Variants in GPHN observed in about 807,000 individuals in gnomAD.
GPHN encodes the protein gephyrin.
Under a neutral mutation model 95.5 loss-of-function variants are expected in GPHN, and 17 were observed. That is an observed-to-expected ratio of 0.18 (90% CI 0.12 to 0.27). The LOEUF (loss-of-function observed/expected upper bound fraction) is 0.27, where lower values mean the gene tolerates loss of function less well. Ranked by LOEUF, GPHN falls within the 10% of genes least tolerant of loss-of-function variation. The pLI, the probability that GPHN is intolerant of heterozygous loss-of-function variation, is 1.00. For missense variants in GPHN, 660 were observed against 978.1 expected, an observed-to-expected ratio of 0.67 and a Z score of 4.34; for synonymous variants, 320 against 322.5, an observed-to-expected ratio of 0.99 and a Z score of 0.08.
At chr14:66,673,048 C>T (rs66460571) in intron 1 of GPHN, among the ~76,000 whole-genome samples, 2,658 of 152,146 alleles carry the variant, frequency 0.017, 33 homozygotes, top group Non-Finnish European at 0.026. Context: ...ATTTGAATTT[C>T]TCTTTTGTCA....
chr14:66,968,927 G>A (rs567635214), intron 9 of GPHN: 175 of 147,738 alleles, frequency 1.2e-3, no homozygotes, highest in African/African-American at 4.3e-3. Flanking sequence ...TAGATATATT[G>A]CAGTATAACA....
At chr14:67,423,232 TG>T in the GPHN span, among the ~76,000 whole-genome samples, 2 of 152,122 alleles carry the variant, frequency 1.3e-5, no homozygotes, top group African/African-American at 2.4e-5. Flanking sequence ...AAAAAGGGGT[TG>T]GGGGAGGGCA....
the GPHN span, chr14:67,360,357 TGAG>T: frequency 1.3e-5 from 5 of 397,272 alleles, no homozygotes; most frequent in Admixed American, 1.8e-4. Flanking sequence ...AAGCGCACGC[TGAG>T]GAGGATCGGC....
At chr14:67,157,139 G>T (rs10713830) in intron 18 of GPHN, among the ~76,000 whole-genome samples, 27,068 of 151,690 alleles carry the variant, frequency 0.18, 2,752 homozygotes, top group Non-Finnish European at 0.24. Flanking sequence ...ATTTGAAAAA[G>T]TTACAATGAA....
intron 16 of GPHN, among the ~76,000 whole-genome samples, chr14:67,115,204 G>A (rs1474935438): frequency 6.6e-6 from 1 of 151,554 alleles, no homozygotes; most frequent in Non-Finnish European, 1.5e-5. Flanking sequence ...AGATAATTGG[G>A]TACCTCTGTG....
At chr14:66,808,926 G>T (rs76546968) in intron 3 of GPHN, among the ~76,000 whole-genome samples, 1,914 of 152,268 alleles carry the variant, frequency 0.013, 19 homozygotes, top group Non-Finnish European at 0.018. Context: ...TAAAGCAAAA[G>T]AAATATGAAC....
chr14:67,321,872 T>C, the GPHN span, among the ~76,000 whole-genome samples: 1 of 152,164 alleles, frequency 6.6e-6, no homozygotes, highest in Non-Finnish European at 1.5e-5. Flanking sequence ...AGTACTTTAA[T>C]TTGAGTCTAT....
chr14:67,134,936 CTCTT>C (rs2079962255), intron 17 of GPHN, among the ~76,000 whole-genome samples: 6 of 59,666 alleles, frequency 1.0e-4, no homozygotes, highest in African/African-American at 1.9e-4. Flanking sequence ...CTCTTTTTTT[CTCTT>C]TCTTTCTTTC....
At chr14:66,675,940 T>G (rs974843203) in intron 1 of GPHN, among the ~76,000 whole-genome samples, 27 of 152,176 alleles carry the variant, frequency 1.8e-4, no homozygotes, top group Admixed American at 7.2e-4. Flanking sequence ...AAAACATCAC[T>G]GATTCTTGCA....
chr14:66,693,461 T>C (rs2067915383), intron 2 of GPHN, among the ~76,000 whole-genome samples: 1 of 152,192 alleles, frequency 6.6e-6, no homozygotes, highest in Non-Finnish European at 1.5e-5. Context: ...CATACATATA[T>C]ACATACGGGA....
chr14:67,276,654 T>C, the GPHN span, among the ~76,000 whole-genome samples: 12 of 152,330 alleles, frequency 7.9e-5, no homozygotes, highest in South Asian at 2.3e-3. Flanking sequence ...TAATCATTTA[T>C]TTTCTTTGCT....
chr14:66,668,499 G>C (rs2066100962), intron 1 of GPHN, among the ~76,000 whole-genome samples: 2 of 152,188 alleles, frequency 1.3e-5, no homozygotes, highest in African/African-American at 4.8e-5. Context: ...GATGGAGCTG[G>C]AAGTCATTAT....
intron 5 of GPHN, among the ~76,000 whole-genome samples, chr14:66,905,509 A>G (rs1303873105): frequency 1.3e-5 from 2 of 151,990 alleles, no homozygotes; most frequent in East Asian, 1.9e-4. Context: ...ATGTCTTTGC[A>G]TTGGAGGATT....
intron 9 of GPHN, among the ~76,000 whole-genome samples, chr14:66,965,540 C>T (rs1288638050): frequency 1.3e-5 from 2 of 152,166 alleles, no homozygotes; most frequent in Non-Finnish European, 2.9e-5. Flanking sequence ...TGTCTTACTC[C>T]TACATCATAG....
chr14:66,711,482 A>G (rs187412847), intron 2 of GPHN, among the ~76,000 whole-genome samples: 77 of 151,926 alleles, frequency 5.1e-4, no homozygotes, highest in African/African-American at 1.7e-3. Flanking sequence ...GCAGTTGTGA[A>G]TTGTGCTGCC....
chr14:67,375,843 A>T, the GPHN span, among the ~76,000 whole-genome samples: 30 of 152,068 alleles, frequency 2.0e-4, no homozygotes, highest in Non-Finnish European at 3.4e-4. Flanking sequence ...AAAATTTCAT[A>T]TTTTTTTGTC....
the GPHN span, among the ~76,000 whole-genome samples, chr14:67,298,855 A>G: frequency 6.6e-6 from 1 of 152,158 alleles, no homozygotes. Flanking sequence ...GGCCCTATGA[A>G]TATCCACTGA....
intron 5 of GPHN, among the ~76,000 whole-genome samples, chr14:66,908,228 A>G (rs957888166): frequency 2.0e-5 from 3 of 151,978 alleles, no homozygotes; most frequent in African/African-American, 4.8e-5. Flanking sequence ...AATATACAAG[A>G]TGAACCTGGT....
chr14:66,731,766 T>C (rs936284866), intron 2 of GPHN, among the ~76,000 whole-genome samples: 5 of 152,298 alleles, frequency 3.3e-5, no homozygotes, highest in Admixed American at 3.3e-4. Flanking sequence ...TCAGAGATCT[T>C]GGTGGCCACC....
Sources: allele counts gnomAD v4.1 joint callset (sites outside exome capture counted in the v4.1 genomes callset), GRCh38; gene constraint gnomAD v4.1.1; transcripts MANE v1.5; gene names NCBI Gene and HGNC (gene_info 2026-07-23, HGNC 2026-07-21).